SEPTIN5: variants seen among roughly 807,000 people sequenced by gnomAD.
SEPTIN5 encodes septin 5.
A neutral mutation model predicts 51.2 loss-of-function variants in SEPTIN5; 16 were observed. The observed-to-expected ratio is 0.31, with a 90% CI of 0.21 to 0.47. The LOEUF (loss-of-function observed/expected upper bound fraction) is 0.47, where lower values mean the gene tolerates loss of function less well. Among genes scored for constraint, SEPTIN5 ranks in the 20% least tolerant of loss-of-function variants. The pLI is 0.99. For missense variants in SEPTIN5, 376 were observed against 500.3 expected (o/e 0.75, Z 2.37); for synonymous variants, 208 against 191.2 (o/e 1.09, Z -0.72).
chr22:19,717,229 T>G (rs997880050), intron 2 of SEPTIN5: 6 of 462,362 alleles, frequency 1.3e-5, no homozygotes, highest in Non-Finnish European at 2.7e-5. Flanking sequence ...TGTTCTAATG[T>G]GCAGGGGCTT....
intron 2 of SEPTIN5, 21 bp from the exon 3 acceptor site, chr22:19,719,581 C>G: frequency 1.2e-6 from 2 of 1,601,566 alleles, no homozygotes; most frequent in Admixed American, 1.7e-5. Flanking sequence ...GTGTCCCTAC[C>G]CTGTTCCATC....
chr22:19,715,670 C>A (rs764267302), intron 2 of SEPTIN5, among the ~76,000 whole-genome samples: 36 of 152,338 alleles, frequency 2.4e-4, no homozygotes, highest in Admixed American at 4.6e-4. Context: ...TCTCAGGAGC[C>A]ATGGATGCTG....
chr22:19,720,014 G>C, intron 4 of SEPTIN5, 101 bp from the exon 5 acceptor site: 1 of 1,602,962 alleles, frequency 6.2e-7, no homozygotes, highest in Non-Finnish European at 8.5e-7. Flanking sequence ...TCCCCTGGGG[G>C]TAGGGCCAAG....
rs375522105 is a variant in SEPTIN5 at position 19,714,677 on chromosome 22, G to C, written c.43+46G>C. 5,393 of 1,508,488 alleles carry C rather than the reference G, an allele frequency of 3.6e-3. 14 individuals carry two copies. Among genetic ancestry groups the C allele is most frequent in the Non-Finnish European group, 4.4e-3 (4,926 of 1,130,296 alleles). 93.4% of individuals were successfully genotyped at this position (1,508,488 alleles called of 1,614,324 possible). A position where few individuals can be genotyped will look rare whatever the true frequency, so the allele number is the denominator to read the frequency against. ...CGTGCCCGCGCGCGCCTTTGTCCCC[G>C]CCGCCCGCGCGCCTCTCACCGTGTC... On this transcript the variant is annotated intron_variant, in intron 1 of 11. Coordinates refer to ENST00000455784, the MANE Select transcript of SEPTIN5 (RefSeq NM_002688.6). The surrounding 1 kb of genome is among the most constrained non-coding windows in gnomAD (Gnocchi z 5.2).
chr22:19,722,173 C>T (rs2145792981), intron 10 of SEPTIN5, 64 bp from the exon 11 acceptor site: 2 of 1,293,172 alleles, frequency 1.5e-6, no homozygotes, highest in Non-Finnish European at 1.1e-6. Context: ...GGCCAGGCAT[C>T]GCCAGCCCAC....
intron 4 of SEPTIN5, 103 bp downstream of exon 4, chr22:19,719,995 C>G: frequency 1.3e-6 from 2 of 1,598,010 alleles, no homozygotes; most frequent in East Asian, 4.5e-5. Context: ...TCTGTTCTCG[C>G]GGTGTGGGTC....
In SEPTIN5 at chr22:19,722,579, C is replaced by T. The variant is rs2145793770; in HGVS notation, c.*95C>T. The T allele has an allele frequency of 2.3e-6, 3 of 1,307,396 alleles. No homozygotes were observed. Among genetic ancestry groups the T allele is most frequent in the East Asian group, 2.5e-5 (1 of 39,510 alleles). 81.0% of individuals were successfully genotyped at this position (1,307,396 alleles called of 1,614,324 possible). Reference sequence around the variant, plus strand: ...CCGACCCGGAGACGCGGGGCCACAGCCCCCAGCTGACCCTAATTTATTCTC... The same window carrying T: ...CCGACCCGGAGACGCGGGGCCACAGTCCCCAGCTGACCCTAATTTATTCTC... On this transcript the variant is annotated 3_prime_UTR_variant, in exon 12 of 12. Transcript: ENST00000455784.
chr22:19,719,078 C>A, intron 2 of SEPTIN5: 1 of 349,670 alleles, frequency 2.9e-6, no homozygotes, highest in Non-Finnish European at 5.1e-6. Context: ...GGGCTGGGCG[C>A]CTGGGCGCGC....
intron 2 of SEPTIN5, among the ~76,000 whole-genome samples, chr22:19,715,538 G>T (rs931122169): frequency 2.0e-5 from 3 of 152,254 alleles, no homozygotes; most frequent in African/African-American, 4.8e-5. Context: ...GGTGGGCTGG[G>T]GGGGCTGGGG....
chr22:19,722,591 C>T lies in SEPTIN5; in HGVS notation c.*107C>T. On this transcript the variant is annotated 3_prime_UTR_variant, in exon 12 of 12. Transcript: ENST00000455784. ...CGCGGGGCCACAGCCCCCAGCTGAC[C>T]CTAATTTATTCTCAGCACCACCCCC... 8.2e-7 allele frequency: 1 copy of T among 1,214,700 alleles called. No homozygotes were observed. Among genetic ancestry groups the T allele is most frequent in the Non-Finnish European group, 1.2e-6 (1 of 855,264 alleles). 75.2% of individuals were successfully genotyped at this position (1,214,700 alleles called of 1,614,324 possible). A position where few individuals can be genotyped will look rare whatever the true frequency, so the allele number is the denominator to read the frequency against.
Position 19,714,713 on chromosome 22 carries a change from TC to T in SEPTIN5, c.44-63del. On this transcript the variant is annotated intron_variant, in intron 1 of 11. Coordinates refer to ENST00000455784, the MANE Select transcript of SEPTIN5 (RefSeq NM_002688.6). The surrounding 1 kb of genome is among the most constrained non-coding windows in gnomAD (Gnocchi z 5.2). ...GCCTCTCACCGTGTCTCTCCGTCTC[TC>T]CCCCGCCCGCCGGCCCGGACCCGCT... is the stretch of plus-strand genomic sequence containing the variant. 2 of 1,537,006 alleles carry T rather than the reference TC, an allele frequency of 1.3e-6. No individual in the cohort carries two copies. Among genetic ancestry groups the T allele is most frequent in the Non-Finnish European group, 8.7e-7 (1 of 1,147,558 alleles).
At chr22:19,717,570 C>T (rs1568994845) in intron 2 of SEPTIN5, 1 of 313,734 alleles carries the variant, frequency 3.2e-6, no homozygotes, top group Non-Finnish European at 6.3e-6. Flanking sequence ...CATGGGTGGC[C>T]GGCGTTTATT....
intron 2 of SEPTIN5, chr22:19,718,827 G>T: frequency 8.1e-7 from 1 of 1,236,910 alleles, no homozygotes; most frequent in East Asian, 3.1e-5. Context: ...AGGTGCGTGT[G>T]TGGAGAGGGC....
At chr22:19,719,026 A>C in intron 2 of SEPTIN5, 2 of 495,614 alleles carry the variant, frequency 4.0e-6, no homozygotes, top group Non-Finnish European at 3.1e-6. Context: ...GCGGCGGAGA[A>C]TGCGGCCGTG....
chr22:19,720,010 G>T, intron 4 of SEPTIN5, 105 bp from the exon 5 acceptor site: 1 of 1,602,034 alleles, frequency 6.2e-7, no homozygotes, highest in Non-Finnish European at 8.5e-7. Flanking sequence ...TGGGTCCCCT[G>T]GGGGTAGGGC....
Position 19,723,158 on chromosome 22 carries a change from G to A in SEPTIN5, c.*674G>A, listed in dbSNP as rs1026484038. On this transcript the variant is annotated 3_prime_UTR_variant, in exon 12 of 12. Transcript: ENST00000455784. ...GTGCCGTCCCCTGCCCTCGCTCGAGGCCTCTTCTCCCCAGCACCGCTGTGG... is the reference window on the plus strand; with the variant it reads ...GTGCCGTCCCCTGCCCTCGCTCGAGACCTCTTCTCCCCAGCACCGCTGTGG... The A allele has an allele frequency of 1.8e-6, 1 of 568,986 alleles. No individual in the cohort carries two copies. The highest frequency in any genetic ancestry group is 3.3e-6 in the Non-Finnish European group (1 of 300,204). 35.2% of individuals were successfully genotyped at this position (568,986 alleles called of 1,614,324 possible). A position where few individuals can be genotyped will look rare whatever the true frequency, so the allele number is the denominator to read the frequency against.
chr22:19,720,537 T>C lies in SEPTIN5; in HGVS notation c.498-12T>C, dbSNP rs1223460360. Reference sequence around the variant, plus strand: ...GGCTGTGCCTATGCCCACCCTTGGCTGCTCTCGGCAGGCTGCGGCCAGTGG... The same window carrying C: ...GGCTGTGCCTATGCCCACCCTTGGCCGCTCTCGGCAGGCTGCGGCCAGTGG... On this transcript the variant is annotated splice_polypyrimidine_tract_variant and intron_variant, in intron 6 of 11. Coordinates refer to ENST00000455784, the MANE Select transcript of SEPTIN5 (RefSeq NM_002688.6). 1.4e-5 allele frequency: 22 copies of C among 1,613,286 alleles called. No individual in the cohort carries two copies. The highest frequency in any genetic ancestry group is 1.8e-5 in the Non-Finnish European group (21 of 1,180,004).
At chr22:19,721,083 A>C (rs1434954139) in intron 8 of SEPTIN5, among the ~76,000 whole-genome samples, 1 of 152,194 alleles carries the variant, frequency 6.6e-6, no homozygotes, top group Non-Finnish European at 1.5e-5. Context: ...GGGGTGGGTC[A>C]TGTGGGCCCC....
intron 2 of SEPTIN5, chr22:19,718,696 C>A: frequency 1.6e-6 from 2 of 1,269,628 alleles, no homozygotes; most frequent in South Asian, 3.5e-5. Context: ...CTGACCGGGC[C>A]TGGGGTCCGA....
Sources: gnomAD v4.1 joint callset for allele counts (sites outside exome capture counted in the v4.1 genomes callset) on GRCh38, gnomAD v4.1.1 for gene constraint, Gnocchi (gnomAD v3.1) non-coding constraint, MANE v1.5 for transcripts, NCBI Gene and HGNC (gene_info 2026-07-23, HGNC 2026-07-21) for gene names.